Variants in SLC1A2 observed in about 807,000 individuals in gnomAD.
The protein encoded by SLC1A2 is solute carrier family 1 member 2, also known as excitatory amino acid transporter 2.
A neutral mutation model predicts 48.8 loss-of-function variants in SLC1A2; 15 were observed. The ratio of observed to expected loss-of-function variants is 0.31; its 90% CI spans 0.21 to 0.47. SLC1A2 has a LOEUF of 0.47. SLC1A2 is among the 20% of genes least tolerant of loss of function. The probability of loss-of-function intolerance (pLI) is 0.99; values close to 1 mark genes in which losing one functional copy is unlikely to be tolerated. For synonymous variants in SLC1A2, 279 were observed against 272.6 expected, an observed-to-expected ratio of 1.02 and a Z score of -0.23; for missense variants, 502 against 730.5, an observed-to-expected ratio of 0.69 and a Z score of 3.61.
chr11:35,419,428 CT>C lies in SLC1A2; in HGVS notation c.-463del. 1.6e-5 allele frequency: 3 copies of C among 188,574 alleles called. No homozygotes were observed. Among genetic ancestry groups the C allele is most frequent in the Non-Finnish European group, 1.1e-5 (1 of 92,034 alleles). 11.7% of individuals were successfully genotyped at this position (188,574 alleles called of 1,614,324 possible). On this transcript the variant is annotated 5_prime_UTR_variant, in exon 1 of 11. Coordinates refer to ENST00000278379, the MANE Select transcript of SLC1A2 (RefSeq NM_004171.4). This position sits in a 1 kb window ranked among gnomAD's most constrained non-coding sequence, Gnocchi z 5.4. ...TGCGCGTGTGCGGGTGTGTGCGCGC[CT>C]GGGGAGGCGGTGGAGGCCGCTGCGC...
chr11:35,332,592 C>T (rs1827723454), intron 1 of SLC1A2, among the ~76,000 whole-genome samples: 1 of 152,140 alleles, frequency 6.6e-6, no homozygotes, highest in Admixed American at 6.5e-5. Flanking sequence ...TCAAATAAGA[C>T]TTACAGATAA....
chr11:35,258,025 G>C lies in SLC1A2; in HGVS notation c.*2869C>G, dbSNP rs931088594. On this transcript the variant is annotated 3_prime_UTR_variant, in exon 11 of 11. Coordinates refer to ENST00000278379, the MANE Select transcript of SLC1A2 (RefSeq NM_004171.4). ...TAAAGGTTATTAGAGGTATACCCTG[G>C]ATCCATTTGTTCTGTTTATGGCACA... 1 of 152,138 alleles carries C rather than the reference G, an allele frequency of 6.6e-6. No individual in the cohort carries two copies. Among genetic ancestry groups the C allele is most frequent in the Non-Finnish European group, 1.5e-5 (1 of 68,026 alleles). The allele number at this position is 152,138 out of a possible 1,614,324, so 9.4% of individuals were successfully genotyped here. A position where few individuals can be genotyped will look rare whatever the true frequency, so the allele number is the denominator to read the frequency against.
At chr11:35,345,860 A>G (rs1236297243) in intron 1 of SLC1A2, among the ~76,000 whole-genome samples, 3 of 152,240 alleles carry the variant, frequency 2.0e-5, no homozygotes, top group African/African-American at 7.2e-5. Flanking sequence ...GCTTGTACCA[A>G]TAATTATTTT....
intron 1 of SLC1A2, among the ~76,000 whole-genome samples, chr11:35,355,154 G>A (rs1853411655): frequency 6.6e-6 from 1 of 152,098 alleles, no homozygotes; most frequent in Admixed American, 6.5e-5. Flanking sequence ...TTTTTCCCTT[G>A]TGGCAGGCCC....
At chr11:35,332,544 G>T (rs1229902240) in intron 1 of SLC1A2, among the ~76,000 whole-genome samples, 1 of 152,248 alleles carries the variant, frequency 6.6e-6, no homozygotes, top group Non-Finnish European at 1.5e-5. Flanking sequence ...AAAGCTGGTA[G>T]ATTGAATTAT....
Position 35,254,807 on chromosome 11 carries a change from C to A in SLC1A2, c.*6087G>T. On this transcript the variant is annotated 3_prime_UTR_variant, in exon 11 of 11. Coordinates refer to ENST00000278379, the MANE Select transcript of SLC1A2 (RefSeq NM_004171.4). Reference sequence around the variant, plus strand: ...TGGTTTTATTCTCAGCACAAAAGGGCCCTGTGTAAAAACCAGAAGGATTTT... The same window carrying A: ...TGGTTTTATTCTCAGCACAAAAGGGACCTGTGTAAAAACCAGAAGGATTTT... 1 of 455,844 alleles carries A rather than the reference C, an allele frequency of 2.2e-6. No homozygotes were observed. The allele number at this position is 455,844 out of a possible 1,614,324, so 28.2% of individuals were successfully genotyped here.
chr11:35,409,572 C>T (rs1305603868), intron 1 of SLC1A2, among the ~76,000 whole-genome samples: 1 of 152,166 alleles, frequency 6.6e-6, no homozygotes, highest in Non-Finnish European at 1.5e-5. Context: ...AAGAGAAGGG[C>T]TTCTCTCTTA....
chr11:35,413,549 A>G (rs1207622192), intron 1 of SLC1A2: 1 of 152,216 alleles, frequency 6.6e-6, no homozygotes, highest in African/African-American at 2.4e-5. Context: ...AGATCTCCCA[A>G]TTTTTAAGAG....
chr11:35,376,546 GAC>G (rs1360053026), intron 1 of SLC1A2, among the ~76,000 whole-genome samples: 7 of 152,078 alleles, frequency 4.6e-5, no homozygotes, highest in African/African-American at 1.7e-4. Flanking sequence ...ATTTTCAAAA[GAC>G]AAAAAATGTA....
In SLC1A2 at chr11:35,251,298, A is replaced by G. The variant is rs181576099; in HGVS notation, c.*9596T>C. ...GATTCACAGGTTATTTCCAGTATAT[A>G]AAGAATATCCAGTTATTTTACACGT... On this transcript the variant is annotated 3_prime_UTR_variant, in exon 11 of 11. Transcript: ENST00000278379. 5.2e-4 allele frequency: 80 copies of G among 152,808 alleles called. No homozygotes were observed. The highest frequency in any genetic ancestry group is 1.7e-3 in the African/African-American group (71 of 41,594). 9.5% of individuals were successfully genotyped at this position (152,808 alleles called of 1,614,324 possible).
chr11:35,307,278 C>T (rs545188389), intron 4 of SLC1A2: 6 of 152,346 alleles, frequency 3.9e-5, no homozygotes, highest in African/African-American at 1.2e-4. Flanking sequence ...CAGCAGCCAC[C>T]ATGGCAGGAG....
Position 35,312,380 on chromosome 11 carries a change from T to C in SLC1A2, c.379A>G (p.Thr127Ala). The change falls in exon 4 of 11, where the codon ACG (threonine) becomes GCG (alanine). Residue 127 changes from threonine (T) to alanine (A), a missense_variant. Thr to Ala is a moderately conservative substitution (Grantham distance 58). Coordinates refer to ENST00000278379, the MANE Select transcript of SLC1A2 (RefSeq NM_004171.4). ...CCCAGTACTGCAGCAATGATGGTCG[T>C]GGACATGTAATACACCATGGCTCTC... is the stretch of plus-strand genomic sequence containing the variant. Reference protein sequence around the residue: ...GTRAMVYYMSTTIIAAVLGVI... With the variant: ...GTRAMVYYMSATIIAAVLGVI... The C allele has an allele frequency of 1.2e-6, 2 of 1,614,194 alleles. No individual in the cohort carries two copies. Among genetic ancestry groups the C allele is most frequent in the Non-Finnish European group, 1.7e-6 (2 of 1,180,002 alleles).
chr11:35,374,194 C>T, intron 1 of SLC1A2: 1 of 469,740 alleles, frequency 2.1e-6, no homozygotes, highest in Non-Finnish European at 3.9e-6. Flanking sequence ...ACCACAGCCT[C>T]CCTCGCTCTG....
At chr11:35,338,985 G>C (rs1472659366) in intron 1 of SLC1A2, among the ~76,000 whole-genome samples, 1 of 152,140 alleles carries the variant, frequency 6.6e-6, no homozygotes, top group Non-Finnish European at 1.5e-5. Flanking sequence ...CACAACCAAC[G>C]GGTGATTTTC....
chr11:35,343,805 G>C (rs11033083), intron 1 of SLC1A2, among the ~76,000 whole-genome samples: 27,998 of 151,400 alleles, frequency 0.18, 3,022 homozygotes, highest in Middle Eastern at 0.26. Flanking sequence ...CACACACAGA[G>C]GCACACACAC....
At chr11:35,400,764 T>C (rs114295171) in intron 1 of SLC1A2, among the ~76,000 whole-genome samples, 2,559 of 152,304 alleles carry the variant, frequency 0.017, 66 homozygotes, top group African/African-American at 0.057. Context: ...TGTTTACTGG[T>C]GAAAAGTGTC....
chr11:35,321,043 C>G (rs1015783422), intron 1 of SLC1A2, among the ~76,000 whole-genome samples: 10 of 152,126 alleles, frequency 6.6e-5, no homozygotes, highest in African/African-American at 2.4e-4. Context: ...AGGAAACTTA[C>G]AATCAAATCA....
In SLC1A2 at chr11:35,419,088, C is replaced by T. The variant is rs869190967; in HGVS notation, c.-122G>A. 7.6e-6 allele frequency: 6 copies of T among 790,376 alleles called. No individual in the cohort carries two copies. Among genetic ancestry groups the T allele is most frequent in the Non-Finnish European group, 1.2e-5 (6 of 504,294 alleles). 49.0% of individuals were successfully genotyped at this position (790,376 alleles called of 1,614,324 possible). A position where few individuals can be genotyped will look rare whatever the true frequency, so the allele number is the denominator to read the frequency against. On this transcript the variant is annotated 5_prime_UTR_variant, in exon 1 of 11. Transcript: ENST00000278379. The surrounding 1 kb of genome is among the most constrained non-coding windows in gnomAD (Gnocchi z 5.4). ...GGTATTTAAGAGGAGCCTCTGCCCGCCCTTCCACCCGCCTCCGGGGTAAGC... is the reference window on the plus strand; with the variant it reads ...GGTATTTAAGAGGAGCCTCTGCCCGTCCTTCCACCCGCCTCCGGGGTAAGC...
At chr11:35,365,737 G>A (rs554235233) in intron 1 of SLC1A2, among the ~76,000 whole-genome samples, 1 of 152,250 alleles carries the variant, frequency 6.6e-6, no homozygotes, top group African/African-American at 2.4e-5. Context: ...CAGTTTATAT[G>A]TCTGTCTGTC....
Sources: allele counts gnomAD v4.1 joint callset (sites outside exome capture counted in the v4.1 genomes callset), GRCh38; gene constraint gnomAD v4.1.1; non-coding constraint Gnocchi (gnomAD v3.1); transcripts MANE v1.5; gene names NCBI Gene and HGNC (gene_info 2026-07-23, HGNC 2026-07-21).